Variants in PCDHGC3 observed in about 807,000 individuals in gnomAD.
PCDHGC3 encodes the protein protocadherin gamma-C3.
PCDHGC3 carries 26 observed loss-of-function variants against 59.2 expected under a neutral mutation model. The observed-to-expected ratio is 0.44, with a 90% CI of 0.32 to 0.61. The LOEUF is 0.61. Among genes scored for constraint, PCDHGC3 ranks in the 20% least tolerant of loss-of-function variants. The probability of loss-of-function intolerance (pLI) is 0.05; values close to 1 mark genes in which losing one functional copy is unlikely to be tolerated. For synonymous variants in PCDHGC3, 487 were observed against 519.7 expected (o/e 0.94, Z 0.86); for missense variants, 1,080 against 1,221.8 (o/e 0.88, Z 1.73).
Position 141,476,489 on chromosome 5 carries a change from A to G in PCDHGC3, c.373A>G (p.Ile125Val). ...GGAGCTGTTCAGCGTGGAAGTGGTGATCCAGGACATCAACGACAACAATCC... is the reference window on the plus strand; with the variant it reads ...GGAGCTGTTCAGCGTGGAAGTGGTGGTCCAGGACATCAACGACAACAATCC... ...PLELFSVEVV[I>V]QDINDNNPAF... The change falls in exon 1 of 4, where the codon ATC (isoleucine) becomes GTC (valine). Residue 125 changes from isoleucine to valine, a missense_variant. Coordinates refer to ENST00000308177, the MANE Select transcript of PCDHGC3 (RefSeq NM_002588.4). The surrounding 1 kb of genome is among the most constrained non-coding windows in gnomAD (Gnocchi z 7.6). The G allele has an allele frequency of 6.2e-7, 1 of 1,613,928 alleles. No individual in the cohort carries two copies. Among genetic ancestry groups the G allele is most frequent in the Non-Finnish European group, 8.5e-7 (1 of 1,179,976 alleles).
chr5:141,492,602 C>G (rs1352851783), intron 1 of PCDHGC3, among the ~76,000 whole-genome samples: 2 of 152,222 alleles, frequency 1.3e-5, no homozygotes, highest in Non-Finnish European at 2.9e-5. Flanking sequence ...GAGCGACTGC[C>G]GCTCTAAGTG....
intron 1 of PCDHGC3, among the ~76,000 whole-genome samples, chr5:141,482,800 G>A (rs10052648): frequency 7.6e-6 from 1 of 130,764 alleles, no homozygotes; most frequent in South Asian, 2.2e-4. Flanking sequence ...GGCCGGGTAC[G>A]GTGGCTCATG....
chr5:141,484,374 T>C (rs1261372490), intron 1 of PCDHGC3, among the ~76,000 whole-genome samples: 1 of 152,186 alleles, frequency 6.6e-6, no homozygotes, highest in Non-Finnish European at 1.5e-5. Context: ...CACTAGCAAA[T>C]GTCTGAATAA....
rs1214425261 is a variant in PCDHGC3 at position 141,485,865 on chromosome 5, C to G, written c.2430+7319C>G. On this transcript the variant is annotated intron_variant, in intron 1 of 3. Coordinates refer to ENST00000308177, the MANE Select transcript of PCDHGC3 (RefSeq NM_002588.4). This position sits in a 1 kb window ranked among gnomAD's most constrained non-coding sequence, Gnocchi z 5.7. The stretch of plus-strand genomic sequence containing the variant: ...TCTGGCACCGCAGAGCTCCGGGTAT[C>G]CGTGCTGGACGTAAACGACAACGCC... The G allele has an allele frequency of 1.2e-6, 2 of 1,614,182 alleles. No individual in the cohort carries two copies.
At chr5:141,502,480 AC>A (rs145333712) in intron 2 of PCDHGC3, among the ~76,000 whole-genome samples, 7,822 of 152,242 alleles carry the variant, frequency 0.051, 439 homozygotes, top group African/African-American at 0.14. Flanking sequence ...GCAGCATCAC[AC>A]TGGGACTCAT....
rs949391796 is a variant in PCDHGC3 at position 141,493,050 on chromosome 5, A to G, written c.2431-1757A>G. 6.6e-6 allele frequency among the ~76,000 whole-genome samples: 1 copy of G among 152,262 alleles called. No homozygotes were observed. The highest frequency in any genetic ancestry group is 2.4e-5 in the African/African-American group (1 of 41,464). On this transcript the variant is annotated intron_variant, in intron 1 of 3. Coordinates refer to ENST00000308177, the MANE Select transcript of PCDHGC3 (RefSeq NM_002588.4). The surrounding 1 kb of genome is among the most constrained non-coding windows in gnomAD (Gnocchi z 4.3). Reference sequence around the variant, plus strand: ...CCCTTATGTGTGAGGAAACTACAATAGTAAAAAACACAAGTTTCTCCAACT... The same window carrying G: ...CCCTTATGTGTGAGGAAACTACAATGGTAAAAAACACAAGTTTCTCCAACT...
chr5:141,495,853 C>T (rs1254274145), intron 2 of PCDHGC3, among the ~76,000 whole-genome samples: 1 of 152,136 alleles, frequency 6.6e-6, no homozygotes, highest in African/African-American at 2.4e-5. Context: ...TTCTCTGTCT[C>T]TCACTATTTC....
Position 141,490,282 on chromosome 5 carries a change from C to T in PCDHGC3, c.2431-4525C>T, listed in dbSNP as rs763429413. 1.2e-6 allele frequency: 2 copies of T among 1,614,194 alleles called. No individual in the cohort carries two copies. The highest frequency in any genetic ancestry group is 1.7e-6 in the Non-Finnish European group (2 of 1,180,036). ...TGTGGGGGATGTCAATGACAATGCC[C>T]CAGAGGTGCTATTGGCCTCTTTGGC... On this transcript the variant is annotated intron_variant, in intron 1 of 3. Transcript: ENST00000308177. This position sits in a 1 kb window ranked among gnomAD's most constrained non-coding sequence, Gnocchi z 5.4.
At position 141,486,348 on chromosome 5, in the gene PCDHGC3, A is replaced by G. The variant is rs754981437; in HGVS notation, c.2430+7802A>G. ...GATGTGAGCCTCCGCATTCCTGACC[A>G]CTTGCCATTTGCCCTCAAGTCTGCC... is the stretch of plus-strand genomic sequence containing the variant. On this transcript the variant is annotated intron_variant, in intron 1 of 3. Transcript: ENST00000308177. The surrounding 1 kb of genome is among the most constrained non-coding windows in gnomAD (Gnocchi z 5.0). 1.9e-6 allele frequency: 3 copies of G among 1,613,900 alleles called. No individual in the cohort carries two copies. The highest frequency in any genetic ancestry group is 2.5e-6 in the Non-Finnish European group (3 of 1,179,996).
chr5:141,487,889 T>C lies in PCDHGC3; in HGVS notation c.2431-6918T>C, dbSNP rs984668596. On this transcript the variant is annotated intron_variant, in intron 1 of 3. Transcript: ENST00000308177. The surrounding 1 kb of genome is among the most constrained non-coding windows in gnomAD (Gnocchi z 5.0). ...CAAGAGCCAGGCTGTTGTGGAAGCA[T>C]GATGATGGAATGTGGGAGCACAGGA... 6.7e-6 allele frequency: 5 copies of C among 747,180 alleles called. No homozygotes were observed. The highest frequency in any genetic ancestry group is 1.1e-5 in the Non-Finnish European group (5 of 464,054). The allele number at this position is 747,180 out of a possible 1,614,324, so 46.3% of individuals were successfully genotyped here. A position where few individuals can be genotyped will look rare whatever the true frequency, so the allele number is the denominator to read the frequency against.
At position 141,493,332 on chromosome 5, in the gene PCDHGC3, C is replaced by T. The variant is rs2099747680; in HGVS notation, c.2431-1475C>T. 6.6e-6 allele frequency among the ~76,000 whole-genome samples: 1 copy of T among 152,210 alleles called. No homozygotes were observed. The highest frequency in any genetic ancestry group is 1.5e-5 in the Non-Finnish European group (1 of 68,036). Reference sequence around the variant, plus strand: ...AAGAGAGATTCTAACCCCTGTCTAACTCCAGAATGTGTGCTTTTAATTTCT... The same window carrying T: ...AAGAGAGATTCTAACCCCTGTCTAATTCCAGAATGTGTGCTTTTAATTTCT... On this transcript the variant is annotated intron_variant, in intron 1 of 3. Transcript: ENST00000308177. This position sits in a 1 kb window ranked among gnomAD's most constrained non-coding sequence, Gnocchi z 4.3.
In PCDHGC3 at chr5:141,486,432, G is replaced by T; in HGVS notation, c.2430+7886G>T. On this transcript the variant is annotated intron_variant, in intron 1 of 3. Coordinates refer to ENST00000308177, the MANE Select transcript of PCDHGC3 (RefSeq NM_002588.4). This position sits in a 1 kb window ranked among gnomAD's most constrained non-coding sequence, Gnocchi z 5.0. ...CCCTTGGATCGAGAGGCCAAATCTA[G>T]CTATGACATCATGGTCACTGCTTCT... 4 of 1,614,172 alleles carry T rather than the reference G, an allele frequency of 2.5e-6. No homozygotes were observed. Among genetic ancestry groups the T allele is most frequent in the Non-Finnish European group, 2.5e-6 (3 of 1,180,020 alleles).
rs1042973261 is a variant in PCDHGC3 at position 141,491,547 on chromosome 5, G to T, written c.2431-3260G>T. ...AGGTGACGCTGCGGCCCACAGACTC[G>T]CAGAGCCACTGCTACAGGACGTGCT... On this transcript the variant is annotated intron_variant, in intron 1 of 3. Transcript: ENST00000308177. The surrounding 1 kb of genome is among the most constrained non-coding windows in gnomAD (Gnocchi z 6.9). 6.8e-6 allele frequency: 11 copies of T among 1,613,856 alleles called. No homozygotes were observed. Among genetic ancestry groups the T allele is most frequent in the Middle Eastern group, 1.6e-4 (1 of 6,084 alleles).
rs1455759096 is a variant in PCDHGC3, at chr5:141,489,539, C to T, written c.2431-5268C>T. 6.2e-7 allele frequency: 1 copy of T among 1,613,980 alleles called. No individual in the cohort carries two copies. Among genetic ancestry groups the T allele is most frequent in the African/African-American group, 1.3e-5 (1 of 74,912 alleles). On this transcript the variant is annotated intron_variant, in intron 1 of 3. Coordinates refer to ENST00000308177, the MANE Select transcript of PCDHGC3 (RefSeq NM_002588.4). This position sits in a 1 kb window ranked among gnomAD's most constrained non-coding sequence, Gnocchi z 4.5. Reference sequence around the variant, plus strand: ...CGAGAAAGCCTATGTGGAGCCAGCACCAGCTGCCTGCTGCCAGTGCAGGTG... The same window carrying T: ...CGAGAAAGCCTATGTGGAGCCAGCATCAGCTGCCTGCTGCCAGTGCAGGTG...
intron 1 of PCDHGC3, among the ~76,000 whole-genome samples, chr5:141,492,824 C>T (rs1027583244): frequency 4.6e-5 from 7 of 152,236 alleles, no homozygotes. Context: ...ACCAGCGGCC[C>T]CTTCCTCCCG....
rs2099883795 is a variant in PCDHGC3 at position 141,511,444 on chromosome 5, A to C, written c.*271A>C. 3.0e-6 allele frequency: 2 copies of C among 665,362 alleles called. No individual in the cohort carries two copies. The highest frequency in any genetic ancestry group is 3.6e-5 in the African/African-American group (2 of 54,978). 41.2% of individuals were successfully genotyped at this position (665,362 alleles called of 1,614,324 possible). On this transcript the variant is annotated 3_prime_UTR_variant, in exon 4 of 4. Coordinates refer to ENST00000308177, the MANE Select transcript of PCDHGC3 (RefSeq NM_002588.4). ...GGGTAGTGGGGTTACTGTAGACACC[A>C]AGAACCATTTGCCACACCCCGTTTA...
chr5:141,490,473 T>C lies in PCDHGC3; in HGVS notation c.2431-4334T>C. 6.2e-7 allele frequency: 1 copy of C among 1,614,228 alleles called. No homozygotes were observed. Among genetic ancestry groups the C allele is most frequent in the East Asian group, 2.2e-5 (1 of 44,878 alleles). On this transcript the variant is annotated intron_variant, in intron 1 of 3. Transcript: ENST00000308177. This position sits in a 1 kb window ranked among gnomAD's most constrained non-coding sequence, Gnocchi z 5.4. ...ACTACTCGCTGCTAACCAGCCAGCC[T>C]TTGGACCGGGAGGCCACATCCCACT...
intron 2 of PCDHGC3, among the ~76,000 whole-genome samples, chr5:141,500,894 C>CAG (rs10656935): frequency 0.58 from 88,074 of 150,994 alleles, 27,125 homozygotes; most frequent in African/African-American, 0.78. Flanking sequence ...TTTTTTGAGA[C>CAG]AGTCTCGCTC....
intron 1 of PCDHGC3, among the ~76,000 whole-genome samples, chr5:141,479,135 G>C (rs1236040845): frequency 6.6e-6 from 1 of 152,126 alleles, no homozygotes; most frequent in East Asian, 1.9e-4. Flanking sequence ...TGTGCACCCT[G>C]CTTACAAAAT....
Sources: allele counts gnomAD v4.1 joint callset (sites outside exome capture counted in the v4.1 genomes callset), GRCh38; gene constraint gnomAD v4.1.1; non-coding constraint Gnocchi (gnomAD v3.1); transcripts MANE v1.5; gene names NCBI Gene and HGNC (gene_info 2026-07-23, HGNC 2026-07-21).